The following PLA2G2D variants were observed in gnomAD, a reference collection of about 807,000 sequenced individuals.
PLA2G2D encodes phospholipase A2 group IID.
Under a neutral mutation model 13.9 loss-of-function variants are expected in PLA2G2D, and 17 were observed. The observed-to-expected ratio is 1.23, with a 90% CI of 0.84 to 1.84. PLA2G2D has a LOEUF of 1.84. Ranked by LOEUF, PLA2G2D falls within the 40% of genes most tolerant of loss-of-function variation. The pLI is 0.00. For missense variants in PLA2G2D, 194 were observed against 178.7 expected, an observed-to-expected ratio of 1.09 and a Z score of -0.49; for synonymous variants, 83 against 69.3, an observed-to-expected ratio of 1.20 and a Z score of -0.98.
rs773075990 is a variant in PLA2G2D, at chr1:20,115,520, C to A, written c.279G>T (p.Gly93=). ...KDYYRYNFSQ[G]NIHCSDKGSW... ...CTGCGTACTCACAGCAGTGGATGTT[C>A]CCCTGGGAAAAGTTGTATCTGTAAT... The change falls in exon 3 of 4, where the codon GGG becomes GGT. Residue 93 remains glycine (G), a synonymous_variant. Transcript: ENST00000375105. 1.3e-6 allele frequency: 2 copies of A among 1,597,582 alleles called. No individual in the cohort carries two copies. Among genetic ancestry groups the A allele is most frequent in the Non-Finnish European group, 1.7e-6 (2 of 1,165,294 alleles).
Position 20,119,442 on chromosome 1 carries a change from T to C in PLA2G2D, c.40+17A>G, listed in dbSNP as rs1389818850. 6.2e-7 allele frequency: 1 copy of C among 1,610,924 alleles called. No homozygotes were observed. The highest frequency in any genetic ancestry group is 1.7e-5 in the Admixed American group (1 of 59,986). Reference sequence around the variant, plus strand: ...TCCCTCCTTCCCTTCCCAGCCTGGGTCCCGTCCCCGACTCACCAGCCATCA... The same window carrying C: ...TCCCTCCTTCCCTTCCCAGCCTGGGCCCCGTCCCCGACTCACCAGCCATCA... On this transcript the variant is annotated intron_variant, in intron 1 of 3. Coordinates refer to ENST00000375105, the MANE Select transcript of PLA2G2D (RefSeq NM_012400.4).
chr1:20,113,350 T>G lies in PLA2G2D; in HGVS notation c.*764A>C, dbSNP rs1249302692. ...CTTCCAGAAAGTAGCCCTTTGACCC[T>G]GAGGAGGTGGGGATCAGTCGTGATG... On this transcript the variant is annotated 3_prime_UTR_variant, in exon 4 of 4. Coordinates refer to ENST00000375105, the MANE Select transcript of PLA2G2D (RefSeq NM_012400.4). 1 of 151,984 alleles carries G rather than the reference T, an allele frequency of 6.6e-6. No homozygotes were observed. The highest frequency in any genetic ancestry group is 1.5e-5 in the Non-Finnish European group (1 of 68,058). The allele number at this position is 151,984 out of a possible 1,614,324, so 9.4% of individuals were successfully genotyped here.
chr1:20,118,014 CAT>C (rs1335044090), intron 1 of PLA2G2D, among the ~76,000 whole-genome samples: 2 of 152,146 alleles, frequency 1.3e-5, no homozygotes, highest in Non-Finnish European at 2.9e-5. Flanking sequence ...GCTGTTAAGA[CAT>C]GTACAAGAGA....
At chr1:20,116,082 A>C (rs1002977248) in intron 2 of PLA2G2D, among the ~76,000 whole-genome samples, 1 of 152,104 alleles carries the variant, frequency 6.6e-6, no homozygotes, top group African/African-American at 2.4e-5. Context: ...TGGGGAGTGA[A>C]TGTGGGCATT....
intron 3 of PLA2G2D, among the ~76,000 whole-genome samples, chr1:20,114,544 A>G (rs1398089073): frequency 6.6e-6 from 1 of 152,232 alleles, no homozygotes; most frequent in Non-Finnish European, 1.5e-5. Context: ...GGCAGGTATT[A>G]GAGCACCACA....
In PLA2G2D at chr1:20,114,267, C is replaced by A; in HGVS notation, c.293-8G>T. On this transcript the variant is annotated splice_polypyrimidine_tract_variant and splice_region_variant and intron_variant, in intron 3 of 3. Coordinates refer to ENST00000375105, the MANE Select transcript of PLA2G2D (RefSeq NM_012400.4). Reference sequence around the variant, plus strand: ...ACCAGCTTCCCTTGTCAGCTGTGGACGGAGAAGGGGGAGCTATGTGTTTGT... The same window carrying A: ...ACCAGCTTCCCTTGTCAGCTGTGGAAGGAGAAGGGGGAGCTATGTGTTTGT... 6.2e-7 allele frequency: 1 copy of A among 1,611,916 alleles called. No homozygotes were observed.
rs113122309 is a variant in PLA2G2D at position 20,119,527 on chromosome 1, T to C, written c.-29A>G. ...CCCAGCACAGAGCAGTGGAGGCAGATGCTGGCAGTCCCTTTCCATGCAGGC... is the reference window on the plus strand; with the variant it reads ...CCCAGCACAGAGCAGTGGAGGCAGACGCTGGCAGTCCCTTTCCATGCAGGC... On this transcript the variant is annotated 5_prime_UTR_variant, in exon 1 of 4. Transcript: ENST00000375105. 3.7e-6 allele frequency: 6 copies of C among 1,612,692 alleles called. No individual in the cohort carries two copies. The highest frequency in any genetic ancestry group is 5.1e-6 in the Non-Finnish European group (6 of 1,178,828).
intron 3 of PLA2G2D, 107 bp downstream of exon 3, chr1:20,115,400 A>G: frequency 1.3e-6 from 1 of 741,996 alleles, no homozygotes; most frequent in South Asian, 1.5e-5. Flanking sequence ...CAGTGGACCC[A>G]TGCAAAAAAA....
intron 2 of PLA2G2D, 44 bp from the exon 3 acceptor site, chr1:20,115,657 T>A: frequency 8.0e-7 from 1 of 1,250,864 alleles, no homozygotes; most frequent in Non-Finnish European, 1.2e-6. Flanking sequence ...CCCAGCCTAC[T>A]GGGGTCTCTG....
rs576528514 is a variant in PLA2G2D, at chr1:20,113,841, C to T, written c.*273G>A. 1.6e-5 allele frequency: 6 copies of T among 376,476 alleles called. No homozygotes were observed. The highest frequency in any genetic ancestry group is 1.0e-4 in the African/African-American group (5 of 48,418). 23.3% of individuals were successfully genotyped at this position (376,476 alleles called of 1,614,324 possible). On this transcript the variant is annotated 3_prime_UTR_variant, in exon 4 of 4. Coordinates refer to ENST00000375105, the MANE Select transcript of PLA2G2D (RefSeq NM_012400.4). ...GGGGGACAGCGGCAGACCCCTCCCCCACCCCGATGCTTTGGTCCAAACACC... is the reference window on the plus strand; with the variant it reads ...GGGGGACAGCGGCAGACCCCTCCCCTACCCCGATGCTTTGGTCCAAACACC...
chr1:20,115,917 A>T (rs1405264904), intron 2 of PLA2G2D, among the ~76,000 whole-genome samples: 1 of 152,230 alleles, frequency 6.6e-6, no homozygotes, highest in Non-Finnish European at 1.5e-5. Context: ...GCCCAAGGTC[A>T]CACAGCCTGT....
At chr1:20,117,221 A>G (rs938603313) in intron 1 of PLA2G2D, among the ~76,000 whole-genome samples, 22 of 152,130 alleles carry the variant, frequency 1.4e-4, no homozygotes, top group African/African-American at 2.2e-4. Context: ...TTTAAACCCT[A>G]TTTTACAGAT....
chr1:20,113,413 C>G lies in PLA2G2D; in HGVS notation c.*701G>C, dbSNP rs1198891632. On this transcript the variant is annotated 3_prime_UTR_variant, in exon 4 of 4. Transcript: ENST00000375105. ...ATTCAGTAGCCCCTTGTAATTCACC[C>G]TGAGCCAATGCCTGGAGGCAGGAGA... 3.3e-5 allele frequency: 5 copies of G among 152,198 alleles called. No homozygotes were observed. The highest frequency in any genetic ancestry group is 4.8e-5 in the African/African-American group (2 of 41,438). 9.4% of individuals were successfully genotyped at this position (152,198 alleles called of 1,614,324 possible).
rs1441048123 is a variant in PLA2G2D, at chr1:20,114,235, T to G, written c.317A>C (p.Gln106Pro). 5.0e-6 allele frequency: 8 copies of G among 1,613,864 alleles called. No individual in the cohort carries two copies. In the Admixed American group the frequency reaches 1.3e-4, roughly 27 times the overall value. The change falls in exon 4 of 4, where the codon CAG becomes CCG. Residue 106 changes from glutamine to proline, a missense_variant. Physicochemically the swap from Gln to Pro is moderately conservative, Grantham distance 76. Coordinates refer to ENST00000375105, the MANE Select transcript of PLA2G2D (RefSeq NM_012400.4). The part of the protein sequence containing the change: ...HCSDKGSWCE[Q>P]QLCACDKEVA... ...CTCCTTGTCACAGGCACACAGCTGC[T>G]GCTCACACCAGCTTCCCTTGTCAGC... is the stretch of plus-strand genomic sequence containing the variant.
In PLA2G2D at chr1:20,116,418, C is replaced by T; in HGVS notation, c.100G>A (p.Gly34Arg). ...NLNKMVKQVT[G>R]KMPILSYWPY... ...CAGTAGGAGAGGATGGGCATTTTCC[C>T]AGTCACTTGCTTGACCATCTTGTTC... is the stretch of plus-strand genomic sequence containing the variant. The change falls in exon 2 of 4, where the codon GGG (glycine) becomes AGG (arginine). Residue 34 changes from glycine to arginine, a missense_variant. Gly to Arg is a moderately radical substitution (Grantham distance 125). Coordinates refer to ENST00000375105, the MANE Select transcript of PLA2G2D (RefSeq NM_012400.4). 6.2e-7 allele frequency: 1 copy of T among 1,614,154 alleles called. No homozygotes were observed. Among genetic ancestry groups the T allele is most frequent in the Non-Finnish European group, 8.5e-7 (1 of 1,180,022 alleles).
In PLA2G2D at chr1:20,112,789, C is replaced by A. The variant is rs545925874; in HGVS notation, c.*1325G>T. 1 of 152,170 alleles carries A rather than the reference C, an allele frequency of 6.6e-6. No individual in the cohort carries two copies. Among genetic ancestry groups the A allele is most frequent in the African/African-American group, 2.4e-5 (1 of 41,414 alleles). 9.4% of individuals were successfully genotyped at this position (152,170 alleles called of 1,614,324 possible). A position where few individuals can be genotyped will look rare whatever the true frequency, so the allele number is the denominator to read the frequency against. On this transcript the variant is annotated 3_prime_UTR_variant, in exon 4 of 4. Coordinates refer to ENST00000375105, the MANE Select transcript of PLA2G2D (RefSeq NM_012400.4). ...CCTGGCCTCAGCCCGATCCCAGGAA[C>A]AATTTGAGAGTGTCATTCAACCCAG...
At chr1:20,114,416 G>A (rs1187503251) in intron 3 of PLA2G2D, among the ~76,000 whole-genome samples, 157 bp from the exon 4 acceptor site, 2 of 152,216 alleles carry the variant, frequency 1.3e-5, no homozygotes, top group South Asian at 2.1e-4. Flanking sequence ...GCCACGTACC[G>A]TGACCTCCCT....
At chr1:20,115,380 C>A (rs1428751542) in intron 3 of PLA2G2D, 127 bp downstream of exon 3, 4 of 684,592 alleles carry the variant, frequency 5.8e-6, no homozygotes, top group Non-Finnish European at 1.1e-5. Context: ...CTTCACAGCC[C>A]AACTGCAGCC....
At chr1:20,115,647 C>T in intron 2 of PLA2G2D, 34 bp from the exon 3 acceptor site, 1 of 1,361,828 alleles carries the variant, frequency 7.3e-7, no homozygotes, top group South Asian at 1.2e-5. Context: ...TGCATGGGTC[C>T]CCAGCCTACT....
Sources: gnomAD v4.1 joint callset for allele counts (sites outside exome capture counted in the v4.1 genomes callset) on GRCh38, gnomAD v4.1.1 for gene constraint, MANE v1.5 for transcripts, NCBI Gene and HGNC (gene_info 2026-07-23, HGNC 2026-07-21) for gene names.